Variants in YES1 observed in about 807,000 individuals in gnomAD.
YES1 encodes the protein YES proto-oncogene 1, Src family tyrosine kinase.
YES1 carries 39 observed loss-of-function variants against 70.4 expected under a neutral mutation model. The observed-to-expected ratio is 0.55, with a 90% CI of 0.43 to 0.72. The LOEUF (loss-of-function observed/expected upper bound fraction) is 0.72, where lower values mean the gene tolerates loss of function less well. YES1 is among the 30% of genes least tolerant of loss of function. The probability of loss-of-function intolerance (pLI) is 0.00; values close to 1 mark genes in which losing one functional copy is unlikely to be tolerated. For missense variants in YES1, 495 were observed against 644.8 expected (o/e 0.77, Z 2.52); for synonymous variants, 198 against 218.6 (o/e 0.91, Z 0.83).
intron 2 of YES1, among the ~76,000 whole-genome samples, chr18:755,424 G>T (rs1308400329): frequency 4.0e-5 from 6 of 151,750 alleles, no homozygotes; most frequent in Non-Finnish European, 8.8e-5. Flanking sequence ...AATTTTTTTT[G>T]TATTTTTAGT....
intron 1 of YES1, among the ~76,000 whole-genome samples, chr18:791,780 C>G (rs1330384952): frequency 6.6e-6 from 1 of 152,048 alleles, no homozygotes; most frequent in African/African-American, 2.4e-5. Flanking sequence ...CTGCACCAGG[C>G]GTGGTGGCTC....
At chr18:727,824 C>T (rs1357751335) in intron 11 of YES1, among the ~76,000 whole-genome samples, 1 of 152,098 alleles carries the variant, frequency 6.6e-6, no homozygotes, top group Non-Finnish European at 1.5e-5. Context: ...CCCCAAAGCA[C>T]TTTAAAGGCA....
chr18:753,113 T>C, intron 2 of YES1, among the ~76,000 whole-genome samples: 1 of 152,180 alleles, frequency 6.6e-6, no homozygotes, highest in East Asian at 1.9e-4. Flanking sequence ...ACAATATGCA[T>C]GACATCTCAG....
Position 747,947 on chromosome 18 carries a change from G to A in YES1, c.443C>T (p.Ala148Val), listed in dbSNP as rs766059693. Reference protein sequence around the residue: ...KNGYIPSNYVAPADSIQAEEW... With the variant: ...KNGYIPSNYVVPADSIQAEEW... ...TTCTGCCTGAATGGAATCTGCAGGC[G>A]CTACATAATTGCTCGGGATATAACC... Residue 148 changes from alanine to valine, a missense_variant, in exon 4 of 12, where the codon GCG (alanine) becomes GTG (valine). Ala to Val is a moderately conservative substitution (Grantham distance 64). Around this residue, in one of 2 missense-constraint regions of YES1, gnomAD observed 385 missense variants for 540.9 expected, o/e 0.71. Coordinates refer to ENST00000314574, the MANE Select transcript of YES1 (RefSeq NM_005433.4). 19 of 1,613,512 alleles carry A rather than the reference G, an allele frequency of 1.2e-5. No individual in the cohort carries two copies. In the Admixed American group the frequency reaches 2.2e-4, roughly 18 times the overall value.
intron 1 of YES1, among the ~76,000 whole-genome samples, chr18:766,415 G>A (rs773095961): frequency 6.6e-6 from 1 of 151,990 alleles, no homozygotes; most frequent in Non-Finnish European, 1.5e-5. Flanking sequence ...CTAATTAAAT[G>A]TAAGTTAAAA....
chr18:743,222 C>A lies in YES1; in HGVS notation c.880+38G>T, dbSNP rs865963468. On this transcript the variant is annotated intron_variant, in intron 7 of 11. Transcript: ENST00000314574. ...TAAATTGTTGCACTTTAATCCACAGCTAAACAATGACAGAAAACAAAAATT... is the reference window on the plus strand; with the variant it reads ...TAAATTGTTGCACTTTAATCCACAGATAAACAATGACAGAAAACAAAAATT... The A allele has an allele frequency of 5.6e-6, 9 of 1,598,204 alleles. No homozygotes were observed. The South Asian group carries it at 8.9e-5, about 16-fold the overall frequency.
At chr18:744,137 A>G (rs1231741829) in intron 6 of YES1, among the ~76,000 whole-genome samples, 1 of 151,622 alleles carries the variant, frequency 6.6e-6, no homozygotes, top group Non-Finnish European at 1.5e-5. Flanking sequence ...TTAGCACTTC[A>G]CAAGTATCTC....
chr18:809,003 TAA>T (rs1213400436), intron 1 of YES1, among the ~76,000 whole-genome samples: 1 of 152,196 alleles, frequency 6.6e-6, no homozygotes, highest in Admixed American at 6.5e-5. Context: ...CGAAAATAGA[TAA>T]AAGTCAAAAC....
intron 1 of YES1, among the ~76,000 whole-genome samples, chr18:805,853 T>C (rs1907071117): frequency 6.6e-6 from 1 of 152,186 alleles, no homozygotes; most frequent in Non-Finnish European, 1.5e-5. Context: ...CAATTTCTAC[T>C]TAATGCTAAG....
At chr18:787,075 A>ATT (rs1905989261) in intron 1 of YES1, among the ~76,000 whole-genome samples, 1 of 113,680 alleles carries the variant, frequency 8.8e-6, no homozygotes, top group African/African-American at 3.4e-5. Context: ...TGTGATACAT[A>ATT]CTGTCTTTTT....
chr18:745,462 A>G (rs973618079), intron 6 of YES1, among the ~76,000 whole-genome samples: 8 of 152,194 alleles, frequency 5.3e-5, no homozygotes, highest in Non-Finnish European at 1.2e-4. Context: ...ATGAACTCCA[A>G]TGTAAATACT....
intron 8 of YES1, among the ~76,000 whole-genome samples, chr18:742,204 C>CT: frequency 6.6e-6 from 1 of 152,190 alleles, no homozygotes. Flanking sequence ...TAAGTACCAT[C>CT]TGCACAGGGA....
At chr18:799,927 A>T (rs1424537481) in intron 1 of YES1, among the ~76,000 whole-genome samples, 1 of 152,088 alleles carries the variant, frequency 6.6e-6, no homozygotes, top group Non-Finnish European at 1.5e-5. Context: ...AAAAGAAGGT[A>T]TGATTGCTGG....
At chr18:780,096 C>T (rs559619769) in intron 1 of YES1, among the ~76,000 whole-genome samples, 1 of 152,036 alleles carries the variant, frequency 6.6e-6, no homozygotes, top group African/African-American at 2.4e-5. Flanking sequence ...TAGCCAGGCG[C>T]TGTGGCACGC....
At chr18:743,189 T>C in intron 7 of YES1, 71 bp downstream of exon 7, 1 of 1,560,248 alleles carries the variant, frequency 6.4e-7, no homozygotes, top group Non-Finnish European at 8.7e-7. Context: ...TTGAAACATA[T>C]TTTATCATAA....
intron 1 of YES1, among the ~76,000 whole-genome samples, chr18:786,613 G>A (rs1262970811): frequency 1.3e-5 from 2 of 151,750 alleles, no homozygotes; most frequent in Admixed American, 6.6e-5. Flanking sequence ...TATCAGTTCA[G>A]GGTGGCAATA....
intron 2 of YES1, among the ~76,000 whole-genome samples, chr18:754,188 A>T (rs1299755992): frequency 6.6e-6 from 1 of 152,162 alleles, no homozygotes; most frequent in Non-Finnish European, 1.5e-5. Flanking sequence ...GCTTTGAATA[A>T]AACCTAAACT....
intron 11 of YES1, among the ~76,000 whole-genome samples, chr18:728,059 G>A (rs1177429907): frequency 1.3e-5 from 2 of 152,180 alleles, no homozygotes; most frequent in African/African-American, 4.8e-5. Context: ...TTATGAGCCA[G>A]GCACGGTGGC....
At chr18:748,251 A>C (rs1568194733) in intron 3 of YES1, among the ~76,000 whole-genome samples, 1 of 152,138 alleles carries the variant, frequency 6.6e-6, no homozygotes, top group Non-Finnish European at 1.5e-5. Context: ...AATCCTACAC[A>C]CTTAGTTATA....
Sources: allele counts gnomAD v4.1 joint callset (sites outside exome capture counted in the v4.1 genomes callset), GRCh38; gene constraint gnomAD v4.1.1; regional missense constraint gnomAD v4.1.1; transcripts MANE v1.5; gene names NCBI Gene and HGNC (gene_info 2026-07-23, HGNC 2026-07-21).